MUSK: variants seen among roughly 807,000 people sequenced by gnomAD.
MUSK encodes the protein muscle associated receptor tyrosine kinase.
Under a neutral mutation model 88.7 loss-of-function variants are expected in MUSK, and 55 were observed. The ratio of observed to expected loss-of-function variants is 0.62; its 90% CI spans 0.50 to 0.78. The LOEUF (loss-of-function observed/expected upper bound fraction) is 0.78, where lower values mean the gene tolerates loss of function less well. Among genes scored for constraint, MUSK ranks in the 30% least tolerant of loss-of-function variants. The probability of loss-of-function intolerance (pLI) is 0.00; values close to 1 mark genes in which losing one functional copy is unlikely to be tolerated. For missense variants in MUSK, 1,015 were observed against 1,074.3 expected (o/e 0.94, Z 0.77); for synonymous variants, 387 against 391.9 (o/e 0.99, Z 0.15).
intron 11 of MUSK, among the ~76,000 whole-genome samples, chr9:110,781,534 C>T (rs1340746822): frequency 6.6e-6 from 1 of 152,194 alleles, no homozygotes; most frequent in Admixed American, 6.5e-5. Context: ...CCTTAGCCTC[C>T]CAAAGTGCTG....
At chr9:110,686,442 T>C (rs913926959) in intron 2 of MUSK, among the ~76,000 whole-genome samples, 2 of 152,134 alleles carry the variant, frequency 1.3e-5, no homozygotes, top group Non-Finnish European at 2.9e-5. Flanking sequence ...GCATTTGGCA[T>C]AAAAAAACTC....
chr9:110,695,084 G>A (rs1198417945), intron 3 of MUSK, among the ~76,000 whole-genome samples: 2 of 152,204 alleles, frequency 1.3e-5, no homozygotes, highest in Non-Finnish European at 2.9e-5. Context: ...TTGCTATGGT[G>A]ACAGTCTATG....
In MUSK at chr9:110,668,909, G is replaced by C; in HGVS notation, c.5G>C (p.Arg2Thr). The C allele has an allele frequency of 6.2e-7, 1 of 1,613,470 alleles. No homozygotes were observed. The highest frequency in any genetic ancestry group is 8.5e-7 in the Non-Finnish European group (1 of 1,179,430). Residue 2 changes from arginine to threonine, a missense_variant, in exon 1 of 15, where the codon AGA becomes ACA. Transcript: ENST00000374448. ...CTGCGTGAGCCTGGATTAATCATGA[G>C]AGAGCTCGTCAACATTCCACTGGTA... Reference protein sequence around the residue: MRELVNIPLVHI... With the variant: MTELVNIPLVHI...
chr9:110,722,529 T>C (rs1458904496), intron 5 of MUSK, among the ~76,000 whole-genome samples: 3 of 150,296 alleles, frequency 2.0e-5, no homozygotes, highest in African/African-American at 4.9e-5. Context: ...GACACCATCA[T>C]GGGAAGAAAA....
chr9:110,765,523 C>T (rs1258425163), intron 8 of MUSK, among the ~76,000 whole-genome samples: 1 of 152,048 alleles, frequency 6.6e-6, no homozygotes, highest in Admixed American at 6.6e-5. Flanking sequence ...TGTTTGATCA[C>T]AGTTTTACAT....
chr9:110,768,059 T>C lies in MUSK; in HGVS notation c.1160T>C (p.Val387Ala). ...TTCCAGGAGTGCAGTCCTGGAGTAG[T>C]GCCTACTCCTATTCCCATTTGCAGG... is the stretch of plus-strand genomic sequence containing the variant. ...HIFQECSPGV[V>A]PTPIPICREY... Residue 387 changes from valine to alanine, a missense_variant, in exon 9 of 15, where the codon GTG becomes GCG. Physicochemically the swap from Val to Ala is moderately conservative, Grantham distance 64 (BLOSUM62 0). Coordinates refer to ENST00000374448, the MANE Select transcript of MUSK (RefSeq NM_005592.4). The C allele has an allele frequency of 6.2e-7, 1 of 1,610,258 alleles. No individual in the cohort carries two copies. Among genetic ancestry groups the C allele is most frequent in the Non-Finnish European group, 8.5e-7 (1 of 1,177,654 alleles).
intron 5 of MUSK, among the ~76,000 whole-genome samples, chr9:110,722,150 C>G (rs1312213428): frequency 6.6e-6 from 1 of 152,238 alleles, no homozygotes; most frequent in Non-Finnish European, 1.5e-5. Flanking sequence ...TAGAAGATAA[C>G]ATCAGAAAAA....
At chr9:110,681,099 TA>T (rs1443464130) in intron 1 of MUSK, among the ~76,000 whole-genome samples, 1 of 51,734 alleles carries the variant, frequency 1.9e-5, no homozygotes, top group Admixed American at 3.9e-4. Flanking sequence ...ATATATTATA[TA>T]ATATATATTA....
intron 5 of MUSK, among the ~76,000 whole-genome samples, chr9:110,713,246 T>C (rs2076697475): frequency 6.7e-6 from 1 of 148,932 alleles, no homozygotes; most frequent in Non-Finnish European, 1.5e-5. Flanking sequence ...TGGTATCTTC[T>C]CTTGGACCTT....
rs1300971799 is a variant in MUSK at position 110,734,483 on chromosome 9, T to C, written c.753+108T>C. The C allele has an allele frequency of 2.9e-6, 4 of 1,385,236 alleles. No homozygotes were observed. The Admixed American group carries it at 5.8e-5, about 20-fold the overall frequency. 85.8% of individuals were successfully genotyped at this position (1,385,236 alleles called of 1,614,324 possible). A position where few individuals can be genotyped will look rare whatever the true frequency, so the allele number is the denominator to read the frequency against. ...CCAGATCTCTGTCATTGGTCTCACC[T>C]ACACCACTTTTCAAAGCCTCCCAAT... On this transcript the variant is annotated intron_variant, in intron 6 of 14. Coordinates refer to ENST00000374448, the MANE Select transcript of MUSK (RefSeq NM_005592.4).
chr9:110,787,571 C>G, intron 13 of MUSK, 119 bp from the exon 14 acceptor site: 1 of 917,044 alleles, frequency 1.1e-6, no homozygotes, highest in Non-Finnish European at 1.6e-6. Flanking sequence ...GGAAAGGCTG[C>G]GTGAGACTTA....
chr9:110,734,217 G>T, intron 5 of MUSK, 34 bp from the exon 6 acceptor site: 1 of 1,589,136 alleles, frequency 6.3e-7, no homozygotes, highest in Non-Finnish European at 8.6e-7. Context: ...ATTTCCTGCA[G>T]GAGCGTCACT....
chr9:110,671,476 A>G (rs1564203000), intron 1 of MUSK, among the ~76,000 whole-genome samples: 1 of 152,224 alleles, frequency 6.6e-6, no homozygotes. Context: ...AAAATAACAC[A>G]AAAGTATTCA....
intron 6 of MUSK, among the ~76,000 whole-genome samples, chr9:110,740,360 G>C (rs1303660576): frequency 6.6e-6 from 1 of 152,092 alleles, no homozygotes; most frequent in Non-Finnish European, 1.5e-5. Context: ...CTTGCAGATG[G>C]CTTCACATGG....
At chr9:110,704,396 T>C (rs2076569790) in intron 5 of MUSK, among the ~76,000 whole-genome samples, 2 of 152,326 alleles carry the variant, frequency 1.3e-5, no homozygotes, top group South Asian at 4.1e-4. Flanking sequence ...TCCTCTTCTC[T>C]AAAATAGAGA....
chr9:110,674,857 C>T (rs1262585793), intron 1 of MUSK, among the ~76,000 whole-genome samples: 1 of 152,072 alleles, frequency 6.6e-6, no homozygotes. Context: ...AGTGATCCTC[C>T]CACCTCGGCC....
chr9:110,801,774 C>A lies in MUSK; in HGVS notation c.*786C>A, dbSNP rs2078101132. Reference sequence around the variant, plus strand: ...TTTCCTTTAAAAATTGTATTGGTATCTTTTCCATTGCTTTAATCTTTATTT... The same window carrying A: ...TTTCCTTTAAAAATTGTATTGGTATATTTTCCATTGCTTTAATCTTTATTT... On this transcript the variant is annotated 3_prime_UTR_variant, in exon 15 of 15. Coordinates refer to ENST00000374448, the MANE Select transcript of MUSK (RefSeq NM_005592.4). 6.6e-6 allele frequency among the ~76,000 whole-genome samples: 1 copy of A among 152,170 alleles called. No individual in the cohort carries two copies. Among genetic ancestry groups the A allele is most frequent in the South Asian group, 2.1e-4 (1 of 4,820 alleles).
intron 5 of MUSK, among the ~76,000 whole-genome samples, chr9:110,721,417 C>G (rs973083694): frequency 6.6e-6 from 1 of 152,194 alleles, no homozygotes; most frequent in East Asian, 1.9e-4. Flanking sequence ...TTAATGTACA[C>G]AAATCAGTAG....
chr9:110,717,260 C>A (rs763910441), intron 5 of MUSK, among the ~76,000 whole-genome samples: 2 of 149,422 alleles, frequency 1.3e-5, no homozygotes, highest in Non-Finnish European at 2.9e-5. Flanking sequence ...ACCACAACCA[C>A]TTTGCTGATT....
Sources: gnomAD v4.1 joint callset for allele counts (sites outside exome capture counted in the v4.1 genomes callset) on GRCh38, gnomAD v4.1.1 for gene constraint, MANE v1.5 for transcripts, NCBI Gene and HGNC (gene_info 2026-07-23, HGNC 2026-07-21) for gene names.